TMEM178B: variants seen among roughly 807,000 people sequenced by gnomAD.
TMEM178B encodes the protein transmembrane protein 178B.
Under a neutral mutation model 31.0 loss-of-function variants are expected in TMEM178B, and 5 were observed. The ratio of observed to expected loss-of-function variants is 0.16; its 90% CI spans 0.08 to 0.34. The LOEUF (loss-of-function observed/expected upper bound fraction) is 0.34. TMEM178B is among the 10% of genes least tolerant of loss of function. The pLI, the probability that TMEM178B is intolerant of heterozygous loss-of-function variation, is 1.00. For synonymous variants in TMEM178B, 164 were observed against 164.0 expected, an observed-to-expected ratio of 1.00 and a Z score of 0.00; for missense variants, 275 against 400.3, an observed-to-expected ratio of 0.69 and a Z score of 2.67.
intron 2 of TMEM178B, among the ~76,000 whole-genome samples, chr7:141,354,065 C>T (rs1799778672): frequency 6.6e-6 from 1 of 152,168 alleles, no homozygotes; most frequent in Admixed American, 6.5e-5. Flanking sequence ...ATGTGGGCAT[C>T]TGATTATTTG....
intron 1 of TMEM178B, among the ~76,000 whole-genome samples, chr7:141,117,823 T>C (rs1472578207): frequency 6.6e-6 from 1 of 152,172 alleles, no homozygotes; most frequent in Non-Finnish European, 1.5e-5. Context: ...TGGTTGTAGA[T>C]GTGTGGCGTT....
At chr7:141,267,580 AC>A (rs1798114021) in intron 2 of TMEM178B, among the ~76,000 whole-genome samples, 1 of 152,152 alleles carries the variant, frequency 6.6e-6, no homozygotes, top group Admixed American at 6.5e-5. Flanking sequence ...CCAGTTATGG[AC>A]TGACATCAAG....
Position 141,106,420 on chromosome 7 carries a change from A to G in TMEM178B, c.382+31728A>G, listed in dbSNP as rs180978928. 2.4e-3 allele frequency among the ~76,000 whole-genome samples: 373 copies of G among 152,376 alleles called. 10 individuals carry two copies. The highest frequency in any genetic ancestry group is 8.4e-4 in the Non-Finnish European group (57 of 68,032). On this transcript the variant is annotated intron_variant, in intron 1 of 3. Transcript: ENST00000565468. Reference sequence around the variant, plus strand: ...GGAACATAAAATGCATCTAACTTTTAAAGTGAAAACATGATTCTTTAAAGA... The same window carrying G: ...GGAACATAAAATGCATCTAACTTTTGAAGTGAAAACATGATTCTTTAAAGA...
At chr7:141,439,414 C>G (rs1184180168) in intron 3 of TMEM178B, among the ~76,000 whole-genome samples, 1 of 152,094 alleles carries the variant, frequency 6.6e-6, no homozygotes, top group East Asian at 1.9e-4. Context: ...TGGTCTCCCA[C>G]AGAGACAGAG....
chr7:141,219,339 C>A (rs1466674433), intron 2 of TMEM178B, among the ~76,000 whole-genome samples: 1 of 152,182 alleles, frequency 6.6e-6, no homozygotes, highest in Non-Finnish European at 1.5e-5. Flanking sequence ...GGTAAACATC[C>A]CAGACATTAG....
chr7:141,275,101 G>C (rs1483557457), intron 2 of TMEM178B, among the ~76,000 whole-genome samples: 1 of 152,200 alleles, frequency 6.6e-6, no homozygotes, highest in Non-Finnish European at 1.5e-5. Context: ...AAGACACTAA[G>C]AGAGTGGAAA....
At chr7:141,190,395 C>A (rs1796678066) in intron 1 of TMEM178B, among the ~76,000 whole-genome samples, 1 of 151,926 alleles carries the variant, frequency 6.6e-6, no homozygotes. Context: ...CTCACTGTAG[C>A]CTTGACCTCC....
chr7:141,241,996 A>G (rs1274165893), intron 2 of TMEM178B, among the ~76,000 whole-genome samples: 1 of 152,238 alleles, frequency 6.6e-6, no homozygotes, highest in Non-Finnish European at 1.5e-5. Context: ...TACTTGATCT[A>G]TAGTTTTATA....
intron 1 of TMEM178B, among the ~76,000 whole-genome samples, chr7:141,132,113 G>T (rs1404138045): frequency 6.6e-6 from 1 of 152,084 alleles, no homozygotes; most frequent in Non-Finnish European, 1.5e-5. Flanking sequence ...GAGTGCTGAG[G>T]CTGAGGATTT....
intron 2 of TMEM178B, among the ~76,000 whole-genome samples, chr7:141,238,022 TAAAA>T (rs1207360561): frequency 1.8e-5 from 2 of 111,674 alleles, no homozygotes. Context: ...AGACTCTGTC[TAAAA>T]AAAAAAAAAA....
intron 2 of TMEM178B, among the ~76,000 whole-genome samples, chr7:141,267,555 T>C (rs1312305990): frequency 6.6e-6 from 1 of 152,192 alleles, no homozygotes; most frequent in African/African-American, 2.4e-5. Context: ...GGCCCAGGCT[T>C]GGATGTGGGC....
intron 2 of TMEM178B, among the ~76,000 whole-genome samples, chr7:141,373,209 G>A (rs1242843578): frequency 1.3e-5 from 2 of 152,178 alleles, no homozygotes; most frequent in African/African-American, 2.4e-5. Context: ...AGGAACTCTG[G>A]TATTCTTGTT....
chr7:141,357,135 G>A (rs1400951388), intron 2 of TMEM178B, among the ~76,000 whole-genome samples: 2 of 152,244 alleles, frequency 1.3e-5, no homozygotes, highest in South Asian at 2.1e-4. Context: ...TCAAATGAGG[G>A]CTCTATTATT....
intron 2 of TMEM178B, among the ~76,000 whole-genome samples, chr7:141,238,882 A>G (rs960424878): frequency 6.6e-6 from 1 of 152,220 alleles, no homozygotes; most frequent in African/African-American, 2.4e-5. Flanking sequence ...GCTGCAGCCT[A>G]TATCTTTGGA....
chr7:141,133,254 A>G (rs1795621663), intron 1 of TMEM178B, among the ~76,000 whole-genome samples: 1 of 152,208 alleles, frequency 6.6e-6, no homozygotes, highest in African/African-American at 2.4e-5. Context: ...GAAATCTAAG[A>G]AATGCCTGAA....
intron 2 of TMEM178B, among the ~76,000 whole-genome samples, chr7:141,421,488 A>C (rs78422779): frequency 0.022 from 3,311 of 152,094 alleles, 36 homozygotes; most frequent in South Asian, 0.035. Flanking sequence ...CTGATCAATG[A>C]CTCTAGGAGA....
intron 1 of TMEM178B, among the ~76,000 whole-genome samples, chr7:141,126,856 AGTGTGTGTGT>A (rs10600930): frequency 1.2e-4 from 18 of 145,578 alleles, no homozygotes; most frequent in African/African-American, 2.8e-4. Flanking sequence ...ATCTTCTCAA[AGTGTGTGTGT>A]GTGTGTGTGT....
intron 1 of TMEM178B, among the ~76,000 whole-genome samples, chr7:141,181,629 A>G (rs1796531372): frequency 1.3e-5 from 2 of 152,216 alleles, no homozygotes; most frequent in Admixed American, 6.5e-5. Context: ...TCAAATCTGC[A>G]ATTAGCATTA....
chr7:141,145,047 A>G (rs1048972903), intron 1 of TMEM178B, among the ~76,000 whole-genome samples: 1 of 152,188 alleles, frequency 6.6e-6, no homozygotes, highest in African/African-American at 2.4e-5. Context: ...TGAGGAAATT[A>G]TTCTAAGGTC....
Sources: allele counts gnomAD v4.1 joint callset (sites outside exome capture counted in the v4.1 genomes callset), GRCh38; gene constraint gnomAD v4.1.1; transcripts MANE v1.5; gene names NCBI Gene and HGNC (gene_info 2026-07-23, HGNC 2026-07-21).